Variants in TNPO1 observed in about 807,000 individuals in gnomAD.
TNPO1 encodes transportin 1, also known as transportin-1.
Under a neutral mutation model 119.5 loss-of-function variants are expected in TNPO1, and 8 were observed. The observed-to-expected ratio is 0.07, with a 90% CI of 0.04 to 0.12. TNPO1 has a LOEUF of 0.12. Among genes scored for constraint, TNPO1 ranks in the 10% least tolerant of loss-of-function variants. TNPO1 has a pLI of 1.00. For missense variants in TNPO1, 576 were observed against 1,089.8 expected, an observed-to-expected ratio of 0.53 and a Z score of 6.64; for synonymous variants, 362 against 363.0, an observed-to-expected ratio of 1.00 and a Z score of 0.03.
chr5:72,868,458 A>AAAAAAAAAAAAAAC (rs1554052270), intron 6 of TNPO1, among the ~76,000 whole-genome samples: 9 of 113,316 alleles, frequency 7.9e-5, no homozygotes, highest in Non-Finnish European at 1.7e-4. Context: ...AAAAAAAAAA[A>AAAAAAAAAAAAAAC]ACACAAAATA....
At chr5:72,887,987 ATT>A (rs1748777744) in intron 12 of TNPO1, 89 bp from the exon 13 acceptor site, 1 of 1,246,948 alleles carries the variant, frequency 8.0e-7, no homozygotes, top group Non-Finnish European at 1.1e-6. Flanking sequence ...AATATTCTGA[ATT>A]TTTTCATAGA....
chr5:72,848,186 C>T (rs1206010147), intron 1 of TNPO1, 199 bp from the exon 2 acceptor site: 4 of 1,217,344 alleles, frequency 3.3e-6, no homozygotes, highest in Non-Finnish European at 3.1e-6. Context: ...CGCTGGCGGC[C>T]GGGCTGCCAG....
intron 3 of TNPO1, among the ~76,000 whole-genome samples, chr5:72,855,336 A>G (rs773794927): frequency 1.3e-5 from 2 of 152,218 alleles, no homozygotes; most frequent in East Asian, 1.9e-4. Context: ...TTCCAGCTCT[A>G]TAATGATGTG....
intron 5 of TNPO1, among the ~76,000 whole-genome samples, chr5:72,862,992 T>G (rs1047054635): frequency 6.2e-5 from 9 of 144,870 alleles, no homozygotes; most frequent in South Asian, 2.2e-4. Flanking sequence ...CTGTGGGTTT[T>G]TGTGTGTGTG....
At chr5:72,848,870 G>A (rs1745320130) in intron 2 of TNPO1, among the ~76,000 whole-genome samples, 1 of 151,220 alleles carries the variant, frequency 6.6e-6, no homozygotes, top group South Asian at 2.1e-4. Context: ...GGGCGGGAGC[G>A]GCCCGGGCCC....
chr5:72,857,837 T>C (rs1441206381), intron 4 of TNPO1, among the ~76,000 whole-genome samples: 1 of 152,226 alleles, frequency 6.6e-6, no homozygotes, highest in Non-Finnish European at 1.5e-5. Flanking sequence ...AGAGAAGAAT[T>C]GGTTTTATCT....
chr5:72,885,743 GT>G (rs34593186), intron 11 of TNPO1, among the ~76,000 whole-genome samples: 2,856 of 135,964 alleles, frequency 0.021, 29 homozygotes, highest in African/African-American at 0.041. Flanking sequence ...GTTTGGTTTG[GT>G]TTTTTTTTTT....
At chr5:72,905,226 G>A (rs1750061203) in intron 23 of TNPO1, 77 bp from the exon 24 acceptor site, 15 of 1,052,940 alleles carry the variant, frequency 1.4e-5, no homozygotes, top group Non-Finnish European at 2.0e-5. Flanking sequence ...AAAATCAGCT[G>A]TGTTGGATTT....
At chr5:72,884,893 C>T (rs912047931) in intron 11 of TNPO1, among the ~76,000 whole-genome samples, 3 of 152,164 alleles carry the variant, frequency 2.0e-5, no homozygotes, top group Non-Finnish European at 2.9e-5. Context: ...TTGTGACAAC[C>T]GTTATCTCCT....
rs1745036050 is a variant in TNPO1, at chr5:72,844,311, A to G, written c.16-4074A>G. On this transcript the variant is annotated intron_variant, in intron 1 of 24. Transcript: ENST00000337273. ...GTATCCAGTATCAATCATAGTGCCA[A>G]GAAAGACTCTCAATAAATATTTGGA... 2.0e-5 allele frequency among the ~76,000 whole-genome samples: 3 copies of G among 152,240 alleles called. No individual in the cohort carries two copies. The South Asian group carries it at 6.2e-4, about 32-fold the overall frequency.
intron 18 of TNPO1, among the ~76,000 whole-genome samples, chr5:72,896,047 T>C (rs1749404846): frequency 6.6e-6 from 1 of 152,158 alleles, no homozygotes; most frequent in East Asian, 1.9e-4. Context: ...GAAAATGTTA[T>C]TCAGAGACCA....
intron 12 of TNPO1, 62 bp from the exon 13 acceptor site, chr5:72,888,016 A>G: frequency 2.0e-6 from 3 of 1,504,392 alleles, no homozygotes; most frequent in South Asian, 1.2e-5. Context: ...TTTTATTTTC[A>G]TAATCAACCA....
At position 72,877,372 on chromosome 5, in the gene TNPO1, G is replaced by T. The variant is rs370142153; in HGVS notation, c.920+26G>T. 1.8e-5 allele frequency: 21 copies of T among 1,139,246 alleles called. No homozygotes were observed. In the South Asian group the frequency reaches 3.0e-4, roughly 16 times the overall value. 70.6% of individuals were successfully genotyped at this position (1,139,246 alleles called of 1,614,324 possible). A position where few individuals can be genotyped will look rare whatever the true frequency, so the allele number is the denominator to read the frequency against. Reference sequence around the variant, plus strand: ...GTAAGTGTTCCCTCTTATAAATGCTGCCTTGTTCTTTAATTTCTTAAGTGA... The same window carrying T: ...GTAAGTGTTCCCTCTTATAAATGCTTCCTTGTTCTTTAATTTCTTAAGTGA... On this transcript the variant is annotated intron_variant, in intron 9 of 24. Transcript: ENST00000337273.
rs1237920926 is a variant in TNPO1 at position 72,900,174 on chromosome 5, A to G, written c.2414+93A>G. On this transcript the variant is annotated intron_variant, in intron 21 of 24. Coordinates refer to ENST00000337273, the MANE Select transcript of TNPO1 (RefSeq NM_002270.4). ...AGATATATTTTCAGTTGGTTACAAA[A>G]ATCACAATCCTTTATCATTGCCAAC... 3.4e-6 allele frequency: 4 copies of G among 1,184,286 alleles called. No homozygotes were observed. In the African/African-American group the frequency reaches 6.1e-5, roughly 18 times the overall value. 73.4% of individuals were successfully genotyped at this position (1,184,286 alleles called of 1,614,324 possible). A position where few individuals can be genotyped will look rare whatever the true frequency, so the allele number is the denominator to read the frequency against.
chr5:72,891,382 G>A (rs749568530), intron 14 of TNPO1, among the ~76,000 whole-genome samples: 51 of 152,134 alleles, frequency 3.4e-4, no homozygotes, highest in African/African-American at 9.2e-4. Context: ...GGAGAATGGC[G>A]TGGACCTGGG....
At chr5:72,903,842 C>T (rs1359820326) in intron 23 of TNPO1, 59 bp downstream of exon 23, 1 of 1,166,122 alleles carries the variant, frequency 8.6e-7, no homozygotes, top group African/African-American at 1.6e-5. Flanking sequence ...TAGTGGAAAA[C>T]TTTAAATTAT....
At chr5:72,872,898 T>C (rs1326896986) in intron 7 of TNPO1, among the ~76,000 whole-genome samples, 178 bp downstream of exon 7, 1 of 152,154 alleles carries the variant, frequency 6.6e-6, no homozygotes, top group Non-Finnish European at 1.5e-5. Context: ...GACTAACTTT[T>C]GTTAGCTGAG....
At chr5:72,891,485 G>T (rs1749052308) in intron 14 of TNPO1, among the ~76,000 whole-genome samples, 1 of 151,972 alleles carries the variant, frequency 6.6e-6, no homozygotes, top group South Asian at 2.1e-4. Context: ...GAAAAACTTA[G>T]ATCTTCCTTG....
rs112111833 is a variant in TNPO1, at chr5:72,860,180, G to A, written c.356-1628G>A. On this transcript the variant is annotated intron_variant, in intron 4 of 24. Coordinates refer to ENST00000337273, the MANE Select transcript of TNPO1 (RefSeq NM_002270.4). ...TAAAGGTAGAAAATTTATACACATG[G>A]TGATATTTGCTGTTCAGTGATAGTC... Among the ~76,000 whole-genome samples, 439 of 152,118 alleles carry A rather than the reference G, an allele frequency of 2.9e-3. 2 individuals carry two copies. The highest frequency in any genetic ancestry group is 0.01 in the African/African-American group (424 of 41,494).
Sources: allele counts gnomAD v4.1 joint callset (sites outside exome capture counted in the v4.1 genomes callset), GRCh38; gene constraint gnomAD v4.1.1; transcripts MANE v1.5; gene names NCBI Gene and HGNC (gene_info 2026-07-23, HGNC 2026-07-21).